The following ANKRD36C variants were observed in gnomAD, a reference collection of about 807,000 sequenced individuals.
ANKRD36C encodes ankyrin repeat domain-containing protein 36C.
A neutral mutation model predicts 276.4 loss-of-function variants in ANKRD36C; 61 were observed. The ratio of observed to expected loss-of-function variants is 0.22; its 90% CI spans 0.18 to 0.27. The LOEUF is 0.27. Among genes scored for constraint, ANKRD36C ranks in the 10% least tolerant of loss-of-function variants. The pLI is 1.00. For synonymous variants in ANKRD36C, 483 were observed against 680.1 expected (o/e 0.71, Z 4.51); for missense variants, 1,447 against 2,032.3 (o/e 0.71, Z 5.54).
rs2104507740 is a variant in ANKRD36C at position 95,962,549 on chromosome 2, T to C, written c.800-2A>G. The C allele has an allele frequency of 6.2e-7, 1 of 1,600,304 alleles. No homozygotes were observed. The highest frequency in any genetic ancestry group is 2.2e-5 in the East Asian group (1 of 44,818). ...AGGCTGGTTGTTTCTGAGAAGACAC[T>C]GAAAAGCAAAAGGGATACATCATCA... On this transcript the variant is annotated splice_acceptor_variant, in intron 6 of 66. Transcript: ENST00000456556. LOFTEE classifies it high-confidence loss of function.
exon 29 of ANKRD36C, chr2:95,925,538 T>G: frequency 6.5e-7 from 1 of 1,549,248 alleles, no homozygotes; most frequent in Non-Finnish European, 8.7e-7. Flanking sequence ...TGATTGTTTC[T>G]GAGGAGACAC....
chr2:95,884,033 G>A (rs1676144151), intron 54 of ANKRD36C, 140 bp downstream of exon 74: 2 of 1,008,162 alleles, frequency 2.0e-6, no homozygotes, highest in Admixed American at 5.1e-5. Flanking sequence ...CGTCACCCGA[G>A]AACTTATTAC....
intron 8 of ANKRD36C, 105 bp downstream of exon 8, chr2:95,962,247 G>C (rs1488290597): frequency 3.9e-5 from 51 of 1,320,846 alleles, no homozygotes; most frequent in Non-Finnish European, 5.2e-5. Flanking sequence ...CAGGCCTGCT[G>C]AATCAGAATG....
chr2:95,893,450 G>C, intron 44 of ANKRD36C, 83 bp downstream of exon 64: 1 of 1,511,350 alleles, frequency 6.6e-7, no homozygotes, highest in Non-Finnish European at 8.9e-7. Flanking sequence ...CAGCTTCGAC[G>C]AGCCCCCCGC....
rs373007703 is a variant in ANKRD36C at position 95,914,085 on chromosome 2, A to G, written c.2551+23T>C. 1.3e-4 allele frequency: 193 copies of G among 1,543,104 alleles called. No individual in the cohort carries two copies. In the African/African-American group the frequency reaches 2.1e-3, roughly 17 times the overall value. On this transcript the variant is annotated intron_variant, in intron 40 of 66. Transcript: ENST00000456556. ...CTTATCTATCTCGACTGATCATGAC[A>G]TTAAATCTCTTTTCAAAATTACCTC...
intron 42 of ANKRD36C, among the ~76,000 whole-genome samples, chr2:95,910,910 C>T (rs1350281338): frequency 6.6e-6 from 1 of 151,194 alleles, no homozygotes; most frequent in Non-Finnish European, 1.5e-5. Flanking sequence ...GAATCAATGT[C>T]AAAGCAGGTG....
chr2:95,981,276 T>G (rs1209154997), intron 4 of ANKRD36C, among the ~76,000 whole-genome samples: 2 of 150,294 alleles, frequency 1.3e-5, no homozygotes, highest in Non-Finnish European at 3.0e-5. Context: ...GATATATAAA[T>G]ATATGTATAT....
intron 22 of ANKRD36C, among the ~76,000 whole-genome samples, chr2:95,937,381 T>A (rs2293544): frequency 0.048 from 6,780 of 140,890 alleles, 1 homozygote; most frequent in East Asian, 0.14. Context: ...CAAGGCTAGA[T>A]CCTTACCAGA....
intron 6 of ANKRD36C, among the ~76,000 whole-genome samples, chr2:95,964,229 T>C (rs1413985893): frequency 2.0e-5 from 3 of 150,480 alleles, no homozygotes; most frequent in Non-Finnish European, 4.4e-5. Flanking sequence ...CCCAATATGC[T>C]AACTGATGTG....
intron 58 of ANKRD36C, among the ~76,000 whole-genome samples, chr2:95,878,581 A>G (rs550655409): frequency 1.6e-4 from 25 of 152,250 alleles, no homozygotes; most frequent in Non-Finnish European, 1.6e-4. Context: ...AGTACCTTAC[A>G]TGTATAATTT....
chr2:95,913,888 C>T (rs1311705940), intron 40 of ANKRD36C, among the ~76,000 whole-genome samples: 3 of 151,460 alleles, frequency 2.0e-5, no homozygotes, highest in Admixed American at 2.0e-4. Flanking sequence ...CATATTTCTT[C>T]TTCCCAGTTT....
chr2:95,860,188 T>A, intron 60 of ANKRD36C, 114 bp from the exon 81 acceptor site: 2 of 808,102 alleles, frequency 2.5e-6, no homozygotes, highest in Non-Finnish European at 4.0e-6. Flanking sequence ...TATGTACATA[T>A]TGAGTGCCTA....
rs143295556 is a variant in ANKRD36C, at chr2:95,947,169, T to C, written c.1362+1361A>G. Reference sequence around the variant, plus strand: ...AATCTAAGCTTCCATTTGGAAGATATTAGAAAACACGCTGTATCCACCTTT... The same window carrying C: ...AATCTAAGCTTCCATTTGGAAGATACTAGAAAACACGCTGTATCCACCTTT... On this transcript the variant is annotated intron_variant, in intron 17 of 66. Transcript: ENST00000456556. Among the ~76,000 whole-genome samples the C allele has an allele frequency of 1.1e-3, 164 of 152,290 alleles. 1 individual carries two copies. Among genetic ancestry groups the C allele is most frequent in the East Asian group, 4.2e-3 (22 of 5,186 alleles).
chr2:95,939,289 A>G lies in ANKRD36C; in HGVS notation c.1532-274T>C, dbSNP rs111504638. Among the ~76,000 whole-genome samples the G allele has an allele frequency of 6.4e-5, 8 of 124,756 alleles. No individual in the cohort carries two copies. In the South Asian group the frequency reaches 8.7e-4, roughly 13 times the overall value. 81.8% of individuals were successfully genotyped at this position (124,756 alleles called of 152,430 possible). On this transcript the variant is annotated intron_variant, in intron 20 of 66. Coordinates refer to ENST00000456556, the Ensembl canonical transcript of ANKRD36C. ...ATGACTACAAGTAACATAGAAAAGT[A>G]TTTCTACCAATGTGAATCTGCTGGA... is the stretch of plus-strand genomic sequence containing the variant.
intron 3 of ANKRD36C, 98 bp from the exon 4 acceptor site, chr2:95,982,460 A>G: frequency 9.3e-7 from 1 of 1,070,064 alleles, no homozygotes; most frequent in South Asian, 1.5e-5. Flanking sequence ...AATATATACA[A>G]TTGAAAGGTC....
At chr2:95,972,956 G>A (rs1160012392) in intron 6 of ANKRD36C, among the ~76,000 whole-genome samples, 1 of 152,122 alleles carries the variant, frequency 6.6e-6, no homozygotes. Flanking sequence ...ATAATAACTG[G>A]GGATCAGGCC....
At chr2:95,984,137 T>C (rs1280100619) in intron 3 of ANKRD36C, among the ~76,000 whole-genome samples, 1 of 151,918 alleles carries the variant, frequency 6.6e-6, no homozygotes, top group African/African-American at 2.4e-5. Flanking sequence ...ATATAAAATA[T>C]AGACTCTACA....
At chr2:95,941,020 T>C (rs1172761224) in intron 20 of ANKRD36C, 140 bp downstream of exon 20, 1 of 437,318 alleles carries the variant, frequency 2.3e-6, no homozygotes, top group African/African-American at 2.1e-5. Context: ...ATAGTTATAT[T>C]TATTTTCAAA....
chr2:95,912,458 A>G (rs1439428391), intron 40 of ANKRD36C, 23 bp from the exon 43 acceptor site: 3 of 1,604,798 alleles, frequency 1.9e-6, no homozygotes, highest in African/African-American at 2.7e-5. Context: ...AGGGATACAT[A>G]ATCACTCACA....
Sources: gnomAD v4.1 joint callset for allele counts (sites outside exome capture counted in the v4.1 genomes callset) on GRCh38, gnomAD v4.1.1 for gene constraint, MANE v1.5 for transcripts, NCBI Gene and HGNC (gene_info 2026-07-23, HGNC 2026-07-21) for gene names.